The following KIF20B variants were observed in gnomAD, a reference collection of about 807,000 sequenced individuals.
KIF20B encodes the protein kinesin family member 20B.
In KIF20B, 188 loss-of-function variants were observed where a neutral mutation model predicts 232.5. The observed-to-expected ratio is 0.81, with a 90% CI of 0.72 to 0.91. The LOEUF (loss-of-function observed/expected upper bound fraction) is 0.91, where lower values mean the gene tolerates loss of function less well. KIF20B is among the 40% of genes least tolerant of loss of function. The pLI, the probability that KIF20B is intolerant of heterozygous loss-of-function variation, is 0.00. For synonymous variants in KIF20B, 712 were observed against 683.0 expected (o/e 1.04, Z -0.66); for missense variants, 2,154 against 2,055.9 (o/e 1.05, Z -0.92).
intron 28 of KIF20B, 120 bp from the exon 29 acceptor site, chr10:89,762,518 A>G: frequency 1.5e-6 from 1 of 681,202 alleles, no homozygotes; most frequent in Non-Finnish European, 2.5e-6. Flanking sequence ...GCTGTGATCT[A>G]GCACGCTTTT....
At chr10:89,738,738 AGAACTT>A (rs1247479579) in intron 20 of KIF20B, 121 bp downstream of exon 20, 363 of 1,291,870 alleles carry the variant, frequency 2.8e-4, no homozygotes, top group Middle Eastern at 4.9e-4. Flanking sequence ...TGATGAGTGA[AGAACTT>A]GAACTTTGTC....
At chr10:89,768,647 C>T in intron 30 of KIF20B, 91 bp from the exon 31 acceptor site, 1 of 1,222,260 alleles carries the variant, frequency 8.2e-7, no homozygotes, top group Non-Finnish European at 1.1e-6. Flanking sequence ...AATTCATAAC[C>T]TGTCTCTGGC....
chr10:89,753,915 G>C, intron 25 of KIF20B, among the ~76,000 whole-genome samples: 1 of 152,014 alleles, frequency 6.6e-6, no homozygotes, highest in South Asian at 2.1e-4. Context: ...ACCGCACCCA[G>C]CCTAGAAGTT....
rs565679241 is a variant in KIF20B, at chr10:89,724,545, G to A, written c.1862+442G>A. ...CTCTTGTCTCAGAGAAGAAAAAAAAGAATATAGCTGTAACTAATCCCATGC... is the reference window on the plus strand; with the variant it reads ...CTCTTGTCTCAGAGAAGAAAAAAAAAAATATAGCTGTAACTAATCCCATGC... On this transcript the variant is annotated intron_variant, in intron 14 of 32. Transcript: ENST00000371728. 1.1e-4 allele frequency among the ~76,000 whole-genome samples: 17 copies of A among 152,192 alleles called. No individual in the cohort carries two copies. The East Asian group carries it at 2.3e-3, about 21-fold the overall frequency.
At chr10:89,720,852 T>C (rs1473125668) in intron 13 of KIF20B, among the ~76,000 whole-genome samples, 7 of 152,158 alleles carry the variant, frequency 4.6e-5, no homozygotes, top group African/African-American at 1.7e-4. Context: ...AGTATAGGCA[T>C]GCGTAACCAT....
intron 1 of KIF20B, among the ~76,000 whole-genome samples, chr10:89,702,005 C>A (rs1389891593): frequency 1.3e-5 from 2 of 152,192 alleles, no homozygotes; most frequent in Non-Finnish European, 2.9e-5. Context: ...CTATTTCTTT[C>A]GGCTTTTGTG....
intron 14 of KIF20B, 46 bp downstream of exon 14, chr10:89,724,149 T>C (rs1374370425): frequency 1.4e-6 from 2 of 1,412,572 alleles, no homozygotes; most frequent in East Asian, 5.2e-5. Context: ...GAATTTTATT[T>C]AGTTTTTTAG....
Position 89,739,104 on chromosome 10 carries a change from A to G in KIF20B, c.3915+8A>G. 6.2e-7 allele frequency: 1 copy of G among 1,609,742 alleles called. No individual in the cohort carries two copies. The highest frequency in any genetic ancestry group is 1.1e-5 in the South Asian group (1 of 89,974). Reference sequence around the variant, plus strand: ...AAGCAAGTACAGAAAGAGGTAGGTTATTTGAAAAGTTATGTGGCCAGTTTA... The same window carrying G: ...AAGCAAGTACAGAAAGAGGTAGGTTGTTTGAAAAGTTATGTGGCCAGTTTA... On this transcript the variant is annotated splice_region_variant and intron_variant, in intron 21 of 32. Transcript: ENST00000371728.
At chr10:89,737,224 TA>T (rs1334726364) in intron 19 of KIF20B, among the ~76,000 whole-genome samples, 162 bp from the exon 20 acceptor site, 1 of 151,814 alleles carries the variant, frequency 6.6e-6, no homozygotes, top group African/African-American at 2.4e-5. Context: ...CCACATGTTT[TA>T]AAACCTGTTT....
At chr10:89,751,248 T>C in intron 23 of KIF20B, 98 bp from the exon 24 acceptor site, 1 of 965,226 alleles carries the variant, frequency 1.0e-6, no homozygotes, top group Non-Finnish European at 1.5e-6. Context: ...AATATTCTAT[T>C]ACAGTTAATA....
intron 17 of KIF20B, among the ~76,000 whole-genome samples, chr10:89,728,711 C>G (rs1185757729): frequency 6.6e-6 from 1 of 151,814 alleles, no homozygotes; most frequent in African/African-American, 2.4e-5. Context: ...ACGATGTTGG[C>G]CAGGCTGGTC....
chr10:89,750,134 G>T (rs1196743124), intron 23 of KIF20B, among the ~76,000 whole-genome samples: 1 of 151,976 alleles, frequency 6.6e-6, no homozygotes, highest in Non-Finnish European at 1.5e-5. Context: ...TGCCTTTACT[G>T]CTCTAGTTTG....
Position 89,737,693 on chromosome 10 carries a change from A to G in KIF20B, c.2852A>G (p.Lys951Arg), listed in dbSNP as rs759304471. 6.2e-7 allele frequency: 1 copy of G among 1,613,370 alleles called. No individual in the cohort carries two copies. The highest frequency in any genetic ancestry group is 8.5e-7 in the Non-Finnish European group (1 of 1,179,592). ...DIAIAELHVQ[K>R]SKNQEQEEKI... ...GCAATTGCTGAATTACATGTGCAGAAAAGTAAAAATCAAGAACAGGAGGAA... is the reference window on the plus strand; with the variant it reads ...GCAATTGCTGAATTACATGTGCAGAGAAGTAAAAATCAAGAACAGGAGGAA... Residue 951 changes from lysine to arginine, a missense_variant, in exon 20 of 33, where the codon AAA becomes AGA. Coordinates refer to ENST00000371728, the MANE Select transcript of KIF20B (RefSeq NM_001284259.2).
Position 89,709,475 on chromosome 10 carries a change from GTTTTTGT to G in KIF20B, c.351+25_351+31del. The G allele has an allele frequency of 1.9e-6, 3 of 1,549,646 alleles. No homozygotes were observed. Among genetic ancestry groups the G allele is most frequent in the Non-Finnish European group, 2.7e-6 (3 of 1,124,266 alleles). Reference sequence around the variant, plus strand: ...AGTTTTTCCAAGGTAAAACTGAAGTGTTTTTGTTTTTTGTTTTAAAGATAAAGAGACT... The same window carrying G: ...AGTTTTTCCAAGGTAAAACTGAAGTGTTTTTGTTTTAAAGATAAAGAGACT... On this transcript the variant is annotated intron_variant, in intron 4 of 32. Coordinates refer to ENST00000371728, the MANE Select transcript of KIF20B (RefSeq NM_001284259.2).
rs776884271 is a variant in KIF20B at position 89,751,468 on chromosome 10, A to G, written c.4219A>G (p.Thr1407Ala). ...AKLEEVERLA[T>A]ELEKWKEKCN... ...ATTAGAGGAAGTTGAAAGGCTGGCC[A>G]CAGGTAAAACAAGATTGCTTACATT... The change falls in exon 24 of 33, where the codon ACA becomes GCA. Residue 1407 changes from threonine (T) to alanine (A), a missense_variant. Coordinates refer to ENST00000371728, the MANE Select transcript of KIF20B (RefSeq NM_001284259.2). 6.2e-7 allele frequency: 1 copy of G among 1,600,154 alleles called. No individual in the cohort carries two copies. The highest frequency in any genetic ancestry group is 1.2e-5 in the South Asian group (1 of 86,684).
intron 16 of KIF20B, among the ~76,000 whole-genome samples, chr10:89,726,859 T>TG (rs11413010): frequency 0.31 from 47,356 of 151,808 alleles, 8,349 homozygotes; most frequent in African/African-American, 0.47. Flanking sequence ...AAGGCTGGAG[T>TG]CAGTAGTGGC....
chr10:89,768,041 G>A (rs1029393786), intron 29 of KIF20B, among the ~76,000 whole-genome samples: 2 of 151,992 alleles, frequency 1.3e-5, no homozygotes, highest in African/African-American at 4.8e-5. Flanking sequence ...TCTATCCTGT[G>A]CATTGTAGGG....
intron 23 of KIF20B, among the ~76,000 whole-genome samples, chr10:89,748,571 T>G (rs1357293265): frequency 2.0e-5 from 3 of 152,216 alleles, no homozygotes; most frequent in Non-Finnish European, 4.4e-5. Context: ...GATGGGTAAC[T>G]TGGATGTGAA....
intron 1 of KIF20B, among the ~76,000 whole-genome samples, chr10:89,702,726 C>T (rs1169826079): frequency 6.7e-6 from 1 of 148,556 alleles, no homozygotes; most frequent in Non-Finnish European, 1.5e-5. Context: ...CCTGCTGTCA[C>T]GAAAGATAAT....
Sources: allele counts gnomAD v4.1 joint callset (sites outside exome capture counted in the v4.1 genomes callset), GRCh38; gene constraint gnomAD v4.1.1; transcripts MANE v1.5; gene names NCBI Gene and HGNC (gene_info 2026-07-23, HGNC 2026-07-21).